The following PDXDC1 variants were observed in gnomAD, a reference collection of about 807,000 sequenced individuals.
PDXDC1 encodes the protein pyridoxal dependent decarboxylase domain containing 1.
Under a neutral mutation model 100.1 loss-of-function variants are expected in PDXDC1, and 42 were observed. The observed-to-expected ratio is 0.42, with a 90% CI of 0.33 to 0.54. The LOEUF (loss-of-function observed/expected upper bound fraction) is 0.54. PDXDC1 is among the 20% of genes least tolerant of loss of function. PDXDC1 has a pLI of 0.10. For missense variants in PDXDC1, 636 were observed against 979.2 expected (o/e 0.65, Z 4.68); for synonymous variants, 260 against 371.7 (o/e 0.70, Z 3.46).
chr16:15,035,392 T>C (rs2043351944), intron 21 of PDXDC1, 57 bp from the exon 22 acceptor site: 1 of 912,488 alleles, frequency 1.1e-6, no homozygotes, highest in Non-Finnish European at 1.7e-6. Flanking sequence ...GGGCAGGTGG[T>C]GTCTTCAAGG....
chr16:15,073,527 C>A (rs1409050166), intron 16 of PDXDC1, among the ~76,000 whole-genome samples: 10 of 152,174 alleles, frequency 6.6e-5, no homozygotes, highest in Non-Finnish European at 1.5e-4. Context: ...TTAGTTTACA[C>A]AGATTTTCCT....
intron 4 of PDXDC1, among the ~76,000 whole-genome samples, chr16:15,002,110 T>C (rs1218821349): frequency 1.4e-5 from 2 of 145,668 alleles, no homozygotes; most frequent in Admixed American, 1.4e-4. Flanking sequence ...GACTGAAGAG[T>C]GAGTGTCGGA....
chr16:15,145,701 C>T, the PDXDC1 span, among the ~76,000 whole-genome samples: 682 of 152,372 alleles, frequency 4.5e-3, 4 homozygotes, highest in African/African-American at 0.015. Flanking sequence ...CCATGAAGAG[C>T]GAGGTGTTCT....
At chr16:15,128,370 G>A (rs772490881) in intron 16 of PDXDC1, 19 of 1,598,336 alleles carry the variant, frequency 1.2e-5, no homozygotes, top group East Asian at 2.2e-5. Context: ...ACAGCATGAT[G>A]CCCACGTGGG....
intron 16 of PDXDC1, among the ~76,000 whole-genome samples, chr16:15,065,660 G>A (rs1341820553): frequency 6.6e-6 from 1 of 152,080 alleles, no homozygotes; most frequent in Non-Finnish European, 1.5e-5. Flanking sequence ...ATTTTAATGA[G>A]TAATAGATAC....
chr16:15,057,688 T>C (rs149798505), intron 16 of PDXDC1, among the ~76,000 whole-genome samples: 20 of 152,338 alleles, frequency 1.3e-4, no homozygotes, highest in African/African-American at 4.8e-4. Context: ...TTTTGTAGAA[T>C]AGCATGTTTG....
rs1487108351 is a variant in PDXDC1 at position 14,989,987 on chromosome 16, G to A, written c.22-7766G>A. On this transcript the variant is annotated intron_variant, in intron 1 of 22. Transcript: ENST00000396410. Reference sequence around the variant, plus strand: ...CCAGGCAGGCAGACGGCTCGGTGGCGCCCGGCTCACCCCAGGACCAGGGAA... The same window carrying A: ...CCAGGCAGGCAGACGGCTCGGTGGCACCCGGCTCACCCCAGGACCAGGGAA... 1.8e-5 allele frequency: 26 copies of A among 1,461,584 alleles called. No individual in the cohort carries two copies. In the African/African-American group the frequency reaches 3.1e-4, roughly 17 times the overall value. 90.5% of individuals were successfully genotyped at this position (1,461,584 alleles called of 1,614,324 possible). A position where few individuals can be genotyped will look rare whatever the true frequency, so the allele number is the denominator to read the frequency against.
chr16:15,017,191 A>G lies in PDXDC1; in HGVS notation c.861+23A>G, dbSNP rs371218133. ...CTGGTATGTTGTTGATTTACTGAAT[A>G]TTGGTGTTTTTAAGAATGAATTTAA... is the stretch of plus-strand genomic sequence containing the variant. On this transcript the variant is annotated intron_variant, in intron 10 of 22. Transcript: ENST00000396410. 2.7e-5 allele frequency: 43 copies of G among 1,612,572 alleles called. No individual in the cohort carries two copies. The African/African-American group carries it at 4.3e-4, about 16-fold the overall frequency.
At chr16:15,033,468 G>C (rs1194429180) in intron 19 of PDXDC1, 69 bp downstream of exon 19, 42 of 1,527,404 alleles carry the variant, frequency 2.7e-5, no homozygotes, top group Non-Finnish European at 3.6e-5. Flanking sequence ...GGGCCACGAG[G>C]AAAGCAGCTG....
At chr16:15,082,763 C>T (rs2045759644) in intron 16 of PDXDC1, among the ~76,000 whole-genome samples, 1 of 151,912 alleles carries the variant, frequency 6.6e-6, no homozygotes, top group Non-Finnish European at 1.5e-5. Context: ...CTACTAGATT[C>T]GGTTTTCTAC....
chr16:15,110,257 T>C (rs1373613248), intron 16 of PDXDC1, among the ~76,000 whole-genome samples: 1 of 148,274 alleles, frequency 6.7e-6, no homozygotes, highest in African/African-American at 2.4e-5. Context: ...AAAGGAATTA[T>C]ACAGCTTAAA....
chr16:15,125,500 CCA>C, intron 16 of PDXDC1: 2 of 1,355,156 alleles, frequency 1.5e-6, no homozygotes, highest in East Asian at 4.6e-5. Flanking sequence ...CCCCGGTACT[CCA>C]GACACAGTGA....
At chr16:15,044,557 G>A (rs1037086927) in intron 16 of PDXDC1, 12 of 635,684 alleles carry the variant, frequency 1.9e-5, no homozygotes, top group African/African-American at 1.5e-4. Flanking sequence ...AGAAAGTATC[G>A]GCAGCACACT....
At chr16:15,125,599 G>C in intron 16 of PDXDC1, 1 of 1,331,726 alleles carries the variant, frequency 7.5e-7, no homozygotes, top group Non-Finnish European at 1.1e-6. Flanking sequence ...TCCAGCAAAG[G>C]CCTGCTGAGA....
rs554704790 is a variant in PDXDC1, at chr16:15,056,228, G to A, written c.1399+26172G>A. 204 of 159,964 alleles carry A rather than the reference G, an allele frequency of 1.3e-3. 1 individual carries two copies. The highest frequency in any genetic ancestry group is 5.7e-3 in the South Asian group (28 of 4,900). The allele number at this position is 159,964 out of a possible 1,614,324, so 9.9% of individuals were successfully genotyped here. A position where few individuals can be genotyped will look rare whatever the true frequency, so the allele number is the denominator to read the frequency against. On this transcript the variant is annotated intron_variant, in intron 16 of 16. Transcript: ENST00000535621. ...GAAGTGGCCCTGGAAGCAGCGCGCG[G>A]CCCGCCTCCTCCGCAAGGGGCGCTG...
At chr16:15,096,717 G>A (rs1354394803) in intron 16 of PDXDC1, among the ~76,000 whole-genome samples, 1 of 152,264 alleles carries the variant, frequency 6.6e-6, no homozygotes, top group Non-Finnish European at 1.5e-5. Context: ...GGATCTCATT[G>A]TCTAGCCCAA....
In PDXDC1 at chr16:15,055,373, C is replaced by A. The variant is rs186282500; in HGVS notation, c.1399+25317C>A. On this transcript the variant is annotated intron_variant, in intron 16 of 16. Transcript: ENST00000535621. Reference sequence around the variant, plus strand: ...CGGCTAAAAATAACTCGGCGCCCTACGCCCCGGGGGTAGGGGAGAGAGAGG... The same window carrying A: ...CGGCTAAAAATAACTCGGCGCCCTAAGCCCCGGGGGTAGGGGAGAGAGAGG... Among the ~76,000 whole-genome samples, 460 of 152,328 alleles carry A rather than the reference C, an allele frequency of 3.0e-3. 1 individual carries two copies. Among genetic ancestry groups the A allele is most frequent in the African/African-American group, 0.011 (443 of 41,574 alleles).
At chr16:15,101,822 T>C (rs1293474349) in intron 16 of PDXDC1, among the ~76,000 whole-genome samples, 2 of 150,662 alleles carry the variant, frequency 1.3e-5, no homozygotes, top group Non-Finnish European at 3.0e-5. Context: ...ACTATAGGCA[T>C]GTGCCATCAT....
chr16:15,090,443 T>C (rs1290548549), intron 16 of PDXDC1, among the ~76,000 whole-genome samples: 1 of 152,196 alleles, frequency 6.6e-6, no homozygotes, highest in Non-Finnish European at 1.5e-5. Context: ...TTTCCATGTT[T>C]AAAGCCAGGC....
Sources: gnomAD v4.1 joint callset for allele counts (sites outside exome capture counted in the v4.1 genomes callset) on GRCh38, gnomAD v4.1.1 for gene constraint, MANE v1.5 for transcripts, NCBI Gene and HGNC (gene_info 2026-07-23, HGNC 2026-07-21) for gene names.